The following SERPINA12 variants were observed in gnomAD, a reference collection of about 807,000 sequenced individuals.
SERPINA12 encodes the protein serpin A12.
In SERPINA12, 21 loss-of-function variants were observed where a neutral mutation model predicts 25.9. That is an observed-to-expected ratio of 0.81 (90% CI 0.58 to 1.17). The LOEUF (loss-of-function observed/expected upper bound fraction) is 1.17, where lower values mean the gene tolerates loss of function less well. Among genes scored for constraint, SERPINA12 ranks in the 50% most tolerant of loss-of-function variants. The probability of loss-of-function intolerance (pLI) is 0.00; values close to 1 mark genes in which losing one functional copy is unlikely to be tolerated. For synonymous variants in SERPINA12, 220 were observed against 196.0 expected (o/e 1.12, Z -1.02); for missense variants, 562 against 508.3 (o/e 1.11, Z -1.02).
chr14:94,510,196 G>T, upstream of SERPINA12: 6 of 985,382 alleles, frequency 6.1e-6, no homozygotes, highest in Non-Finnish European at 7.2e-6. Context: ...TTGGATCTGT[G>T]GTTGCCTGAG....
At chr14:94,510,953 G>T (rs187888399), upstream of SERPINA12, among the ~76,000 whole-genome samples, 106 of 152,166 alleles carry the variant, frequency 7.0e-4, no homozygotes, top group African/African-American at 2.5e-3. Context: ...AGGTTGGGAG[G>T]GGGTGGTGAG....
intron 1 of SERPINA12, among the ~76,000 whole-genome samples, chr14:94,508,300 C>G (rs550058476): frequency 6.6e-6 from 1 of 152,294 alleles, no homozygotes; most frequent in African/African-American, 2.4e-5. Context: ...CCGGTAAGAT[C>G]CTAGGTTACC....
At chr14:94,505,211 C>T (rs1301160024) in intron 1 of SERPINA12, among the ~76,000 whole-genome samples, 2 of 152,226 alleles carry the variant, frequency 1.3e-5, no homozygotes, top group Admixed American at 6.5e-5. Context: ...ACATGACTCT[C>T]ATTCCCAGAG....
At chr14:94,513,902 C>T (rs951559511), upstream of SERPINA12, among the ~76,000 whole-genome samples, 2 of 152,182 alleles carry the variant, frequency 1.3e-5, no homozygotes, top group African/African-American at 4.8e-5. Context: ...TGCTTTCCCT[C>T]CTTGGATGAA....
chr14:94,505,960 C>T (rs930568335), intron 1 of SERPINA12, among the ~76,000 whole-genome samples: 6 of 152,150 alleles, frequency 3.9e-5, no homozygotes, highest in African/African-American at 9.7e-5. Context: ...AGGAGGTGCA[C>T]GTCTGTGGAG....
At chr14:94,513,972 G>A (rs1901169415), upstream of SERPINA12, among the ~76,000 whole-genome samples, 1 of 152,106 alleles carries the variant, frequency 6.6e-6, no homozygotes, top group Non-Finnish European at 1.5e-5. Context: ...AGGGGTATGG[G>A]TTTGAGAAGG....
intron 1 of SERPINA12, among the ~76,000 whole-genome samples, 146 bp downstream of exon 1, chr14:94,509,195 AG>A (rs1376172659): frequency 2.6e-5 from 4 of 151,996 alleles, no homozygotes; most frequent in Non-Finnish European, 4.4e-5. Flanking sequence ...CCCTAGGGCT[AG>A]GCATGAGAAG....
chr14:94,500,809 C>T, intron 1 of SERPINA12: 1 of 977,504 alleles, frequency 1.0e-6, no homozygotes, highest in Non-Finnish European at 1.2e-6. Flanking sequence ...GCCTCTGGAC[C>T]CCCAGTGACG....
intron 1 of SERPINA12, among the ~76,000 whole-genome samples, 63 bp downstream of exon 1, chr14:94,509,279 A>AACACACACACACACACAC (rs3065835): frequency 1.3e-4 from 18 of 134,726 alleles, no homozygotes; most frequent in South Asian, 1.0e-3. Flanking sequence ...AGAAACAGAC[A>AACACACACACACACACAC]ACACACACAC....
intron 1 of SERPINA12, 57 bp from the exon 2 acceptor site, chr14:94,498,487 G>A: frequency 1.4e-6 from 2 of 1,379,692 alleles, no homozygotes; most frequent in Middle Eastern, 1.9e-4. Context: ...GTTACCCAGA[G>A]GAAGACCAGA....
At chr14:94,501,918 T>C (rs970961696) in intron 1 of SERPINA12, among the ~76,000 whole-genome samples, 6 of 152,138 alleles carry the variant, frequency 3.9e-5, no homozygotes, top group Non-Finnish European at 8.8e-5. Flanking sequence ...AGTAGGCTAA[T>C]TTTTTAATTC....
intron 1 of SERPINA12, among the ~76,000 whole-genome samples, chr14:94,508,552 C>T (rs984845861): frequency 2.0e-5 from 3 of 152,104 alleles, no homozygotes; most frequent in Admixed American, 6.5e-5. Flanking sequence ...TGGAATAAAA[C>T]CTTTTCATAA....
intron 3 of SERPINA12, among the ~76,000 whole-genome samples, chr14:94,494,405 A>C (rs910402159): frequency 1.3e-5 from 2 of 152,240 alleles, no homozygotes; most frequent in African/African-American, 4.8e-5. Flanking sequence ...GGCATTGCAG[A>C]ATGCATCTCT....
chr14:94,513,713 C>T (rs1337606531), upstream of SERPINA12, among the ~76,000 whole-genome samples: 1 of 152,176 alleles, frequency 6.6e-6, no homozygotes, highest in Non-Finnish European at 1.5e-5. Flanking sequence ...TTCCTCCACT[C>T]TGGGATGAAT....
At chr14:94,504,269 G>A (rs567434438) in intron 1 of SERPINA12, 1 of 152,326 alleles carries the variant, frequency 6.6e-6, no homozygotes, top group South Asian at 2.1e-4. Context: ...GGCTTTGGAA[G>A]CAATGGCCAC....
At chr14:94,495,008 C>T (rs542303849) in intron 3 of SERPINA12, among the ~76,000 whole-genome samples, 2 of 152,118 alleles carry the variant, frequency 1.3e-5, no homozygotes, top group Admixed American at 6.5e-5. Flanking sequence ...CTACTTGGCT[C>T]CTCCATCCCA....
chr14:94,493,119 G>T (rs915664240), intron 3 of SERPINA12, among the ~76,000 whole-genome samples: 21 of 152,198 alleles, frequency 1.4e-4, no homozygotes, highest in African/African-American at 5.1e-4. Flanking sequence ...CATAGGGATA[G>T]CCCGTCCACC....
chr14:94,515,247 A>G (rs1173454724), intron 2 of SERPINA12, among the ~76,000 whole-genome samples: 1 of 152,178 alleles, frequency 6.6e-6, no homozygotes, highest in Non-Finnish European at 1.5e-5. Flanking sequence ...CAGAATCACA[A>G]GGGGTTGCTG....
chr14:94,490,719 T>C (rs1163127561), intron 3 of SERPINA12, among the ~76,000 whole-genome samples: 1 of 152,154 alleles, frequency 6.6e-6, no homozygotes, highest in Admixed American at 6.5e-5. Flanking sequence ...TCCACTCCAG[T>C]CGGCTCTTTG....
Sources: gnomAD v4.1 joint callset for allele counts (sites outside exome capture counted in the v4.1 genomes callset) on GRCh38, gnomAD v4.1.1 for gene constraint, MANE v1.5 for transcripts, NCBI Gene and HGNC (gene_info 2026-07-23, HGNC 2026-07-21) for gene names.